Variants in TBC1D1 observed in about 807,000 individuals in gnomAD.
TBC1D1 encodes the protein TBC1 domain family member 1.
A neutral mutation model predicts 125.6 loss-of-function variants in TBC1D1; 89 were observed. That is an observed-to-expected ratio of 0.71 (90% CI 0.60 to 0.85). TBC1D1 has a LOEUF of 0.85. Among genes scored for constraint, TBC1D1 ranks in the 40% least tolerant of loss-of-function variants. The probability of loss-of-function intolerance (pLI) is 0.00; values close to 1 mark genes in which losing one functional copy is unlikely to be tolerated. For synonymous variants in TBC1D1, 565 were observed against 564.1 expected, an observed-to-expected ratio of 1.00 and a Z score of -0.02; for missense variants, 1,377 against 1,469.2, an observed-to-expected ratio of 0.94 and a Z score of 1.03.
Position 38,045,077 on chromosome 4 carries a change from A to C in TBC1D1, c.1542+587A>C, listed in dbSNP as rs181661076. Among the ~76,000 whole-genome samples the C allele has an allele frequency of 1.8e-4, 27 of 152,324 alleles. No individual in the cohort carries two copies. In the East Asian group the frequency reaches 3.9e-3, roughly 22 times the overall value. On this transcript the variant is annotated intron_variant, in intron 9 of 19. Transcript: ENST00000261439. Reference sequence around the variant, plus strand: ...TTACTATCTGGCCCTTTACAGAAAAAGTTTGCCAAATATAGCTCTATAGAA... The same window carrying C: ...TTACTATCTGGCCCTTTACAGAAAACGTTTGCCAAATATAGCTCTATAGAA...
chr4:37,912,215 C>T (rs1718768695), intron 2 of TBC1D1, among the ~76,000 whole-genome samples: 2 of 152,154 alleles, frequency 1.3e-5, no homozygotes, highest in African/African-American at 4.8e-5. Flanking sequence ...AGCTGTTCAT[C>T]GTAGATGTAT....
intron 2 of TBC1D1, among the ~76,000 whole-genome samples, chr4:37,983,637 C>T (rs1460633682): frequency 6.6e-6 from 1 of 152,106 alleles, no homozygotes; most frequent in East Asian, 1.9e-4. Context: ...ATAGTAAACT[C>T]ACAGATGTTT....
chr4:37,975,248 G>T (rs1265346861), intron 2 of TBC1D1, among the ~76,000 whole-genome samples: 1 of 152,240 alleles, frequency 6.6e-6, no homozygotes, highest in East Asian at 1.9e-4. Flanking sequence ...CAGAGAGAGA[G>T]AGAAGAGAAA....
chr4:38,097,022 C>T (rs2152548466), intron 14 of TBC1D1, among the ~76,000 whole-genome samples: 1 of 152,242 alleles, frequency 6.6e-6, no homozygotes, highest in South Asian at 2.1e-4. Context: ...GAGTAAAAGC[C>T]TGAGTCTAAT....
rs554056186 is a variant in TBC1D1, at chr4:38,105,133, A to T, written c.2557+1976A>T. 2.6e-5 allele frequency among the ~76,000 whole-genome samples: 4 copies of T among 152,070 alleles called. No homozygotes were observed. The South Asian group carries it at 8.3e-4, about 32-fold the overall frequency. ...CTGTGGTCTCCTCTCCCACCTCAAG[A>T]CTGGATGAGGTGTCTTGCTAAGCCC... On this transcript the variant is annotated intron_variant, in intron 15 of 19. Transcript: ENST00000261439.
intron 18 of TBC1D1, among the ~76,000 whole-genome samples, chr4:38,127,024 C>T (rs1240287802): frequency 4.0e-5 from 6 of 151,692 alleles, no homozygotes; most frequent in Admixed American, 1.3e-4. Flanking sequence ...GCTTTTGTTG[C>T]ATGTACTTAC....
At chr4:38,128,413 C>T (rs1461251368) in intron 18 of TBC1D1, among the ~76,000 whole-genome samples, 1 of 152,162 alleles carries the variant, frequency 6.6e-6, no homozygotes, top group Non-Finnish European at 1.5e-5. Flanking sequence ...TCCTCTGCAG[C>T]CTTAGAGATC....
At chr4:38,045,474 G>A (rs1175831272) in intron 9 of TBC1D1, among the ~76,000 whole-genome samples, 2 of 152,160 alleles carry the variant, frequency 1.3e-5, no homozygotes, top group African/African-American at 4.8e-5. Flanking sequence ...AGTGACATGC[G>A]GCTGGCCGTT....
At chr4:37,919,986 G>A (rs1720592233) in intron 2 of TBC1D1, among the ~76,000 whole-genome samples, 1 of 152,198 alleles carries the variant, frequency 6.6e-6, no homozygotes, top group Non-Finnish European at 1.5e-5. Context: ...GGTGGCGGGA[G>A]CCTGTAGTCC....
intron 2 of TBC1D1, among the ~76,000 whole-genome samples, chr4:37,996,567 T>A (rs980147936): frequency 2.0e-4 from 31 of 152,346 alleles, no homozygotes; most frequent in African/African-American, 7.5e-4. Flanking sequence ...AAGATCTGGG[T>A]TCTTGAACAC....
intron 2 of TBC1D1, among the ~76,000 whole-genome samples, chr4:38,006,343 AAGG>A (rs935123422): frequency 2.6e-5 from 4 of 152,302 alleles, no homozygotes; most frequent in Non-Finnish European, 5.9e-5. Context: ...AGACTTCAAC[AAGG>A]AGATGATAAC....
intron 13 of TBC1D1, among the ~76,000 whole-genome samples, chr4:38,090,606 T>A (rs898728055): frequency 1.1e-4 from 16 of 152,340 alleles, no homozygotes; most frequent in African/African-American, 3.8e-4. Context: ...TGTACTGATA[T>A]CAATAGTGTC....
chr4:38,006,633 C>T (rs1486005770), intron 2 of TBC1D1, among the ~76,000 whole-genome samples: 2 of 151,974 alleles, frequency 1.3e-5, no homozygotes, highest in African/African-American at 2.4e-5. Flanking sequence ...CATGTGCCAC[C>T]ACGCCCGGCT....
chr4:37,908,174 A>G (rs1717754788), intron 2 of TBC1D1, among the ~76,000 whole-genome samples: 2 of 152,138 alleles, frequency 1.3e-5, no homozygotes, highest in Non-Finnish European at 2.9e-5. Flanking sequence ...TGCCGGGCCC[A>G]GGGTAAGTCA....
At chr4:38,052,724 G>A (rs1434243877) in intron 11 of TBC1D1, among the ~76,000 whole-genome samples, 700 of 59,980 alleles carry the variant, frequency 0.012, 6 homozygotes, top group African/African-American at 0.027. Flanking sequence ...GCGCGCGCGC[G>A]CGCGCACACA....
chr4:38,045,065 C>T (rs891544824), intron 9 of TBC1D1, among the ~76,000 whole-genome samples: 27 of 152,306 alleles, frequency 1.8e-4, no homozygotes, highest in African/African-American at 6.5e-4. Flanking sequence ...CTATCTGGCC[C>T]TTTACAGAAA....
At chr4:38,101,071 G>A (rs1297902557) in intron 14 of TBC1D1, among the ~76,000 whole-genome samples, 6 of 152,174 alleles carry the variant, frequency 3.9e-5, no homozygotes, top group Non-Finnish European at 2.9e-5. Flanking sequence ...AGAGGGTTAT[G>A]AGTATGGTAT....
chr4:37,921,983 C>T (rs1002133853), intron 2 of TBC1D1, among the ~76,000 whole-genome samples: 1 of 152,078 alleles, frequency 6.6e-6, no homozygotes, highest in East Asian at 1.9e-4. Flanking sequence ...GCTATCCTCC[C>T]ACCTTGGCTT....
chr4:38,090,004 C>T lies in TBC1D1; in HGVS notation c.2123C>T (p.Pro708Leu). 6.2e-7 allele frequency: 1 copy of T among 1,614,100 alleles called. No individual in the cohort carries two copies. Among genetic ancestry groups the T allele is most frequent in the Non-Finnish European group, 8.5e-7 (1 of 1,180,006 alleles). The change falls in exon 13 of 20, where the codon CCC (proline) becomes CTC (leucine). Residue 708 changes from proline (P) to leucine (L), a missense_variant. Physicochemically the swap from Pro to Leu is moderately conservative, Grantham distance 98. Transcript: ENST00000261439. ...GTTTGTGAAGATGGGCCCTTTGGCC[C>T]CCCACCAGAGGAAAAGAAAAGGACA...
Sources: gnomAD v4.1 joint callset for allele counts (sites outside exome capture counted in the v4.1 genomes callset) on GRCh38, gnomAD v4.1.1 for gene constraint, MANE v1.5 for transcripts, NCBI Gene and HGNC (gene_info 2026-07-23, HGNC 2026-07-21) for gene names.